The following SDHA variants were observed in gnomAD, a reference collection of about 807,000 sequenced individuals.
SDHA encodes succinate dehydrogenase complex flavoprotein subunit A.
Under a neutral mutation model 78.4 loss-of-function variants are expected in SDHA, and 48 were observed. The observed-to-expected ratio is 0.61, with a 90% CI of 0.49 to 0.78. The LOEUF (loss-of-function observed/expected upper bound fraction) is 0.78, where lower values mean the gene tolerates loss of function less well. Ranked by LOEUF, SDHA falls within the 30% of genes least tolerant of loss-of-function variation. The pLI is 0.00. For synonymous variants in SDHA, 326 were observed against 353.9 expected (o/e 0.92, Z 0.88); for missense variants, 680 against 892.7 (o/e 0.76, Z 3.04).
rs1304421499 is a variant in SDHA at position 249,030 on chromosome 5, A to G, written c.1552-1962A>G. ...AAAAGCATCTAGAAGGACACCGTAC[A>G]AACTTGTCTTTGGATATTGCAAAAT... On this transcript the variant is annotated intron_variant, in intron 11 of 14. Coordinates refer to ENST00000264932, the MANE Select transcript of SDHA (RefSeq NM_004168.4). The G allele has an allele frequency of 7.4e-6, 3 of 403,250 alleles. No homozygotes were observed. In the Admixed American group the frequency reaches 1.0e-4, roughly 14 times the overall value. The allele number at this position is 403,250 out of a possible 1,614,324, so 25.0% of individuals were successfully genotyped here.
At chr5:262,795 T>C in the SDHA span, among the ~76,000 whole-genome samples, 1 of 152,202 alleles carries the variant, frequency 6.6e-6, no homozygotes, top group Admixed American at 6.5e-5. Flanking sequence ...TAATATTAGG[T>C]TGGTGCAAAA....
the SDHA span, among the ~76,000 whole-genome samples, chr5:268,454 C>T: frequency 1.3e-5 from 2 of 152,106 alleles, no homozygotes; most frequent in African/African-American, 4.8e-5. Context: ...CTGTGAGCCA[C>T]CGCGCCTGGC....
intron 6 of SDHA, among the ~76,000 whole-genome samples, chr5:229,401 C>T (rs531523228): frequency 6.6e-6 from 1 of 152,318 alleles, no homozygotes; most frequent in African/African-American, 2.4e-5. Flanking sequence ...TGTGTATACA[C>T]AACTGAATAT....
At chr5:222,503 A>G (rs1320501205) in intron 1 of SDHA, among the ~76,000 whole-genome samples, 1 of 151,910 alleles carries the variant, frequency 6.6e-6, no homozygotes, top group African/African-American at 2.4e-5. Flanking sequence ...GCCCGCCACG[A>G]CGCCCAGCTA....
At position 251,539 on chromosome 5, in the gene SDHA, G is replaced by A. The variant is rs754149649; in HGVS notation, c.1794+71G>A. The A allele has an allele frequency of 1.9e-5, 31 of 1,609,942 alleles. No homozygotes were observed. The South Asian group carries it at 2.8e-4, about 14-fold the overall frequency. On this transcript the variant is annotated intron_variant, in intron 13 of 14. Coordinates refer to ENST00000264932, the MANE Select transcript of SDHA (RefSeq NM_004168.4). ...CCTGGTGGGACTCAGCCCCACCCCT[G>A]CATTTTCTCTGCATTTTCTTTCGTT...
At position 225,914 on chromosome 5, in the gene SDHA, C is replaced by T. The variant is rs375067326; in HGVS notation, c.488C>T (p.Thr163Ile). 1 of 1,613,270 alleles carries T rather than the reference C, an allele frequency of 6.2e-7. No homozygotes were observed. The highest frequency in any genetic ancestry group is 1.3e-5 in the African/African-American group (1 of 74,890). ...LENYGMPFSR[T>I]EDGKIYQRAF... is the part of the protein sequence containing the mutation. Reference sequence around the variant, plus strand: ...AATTATGGCATGCCGTTTAGCAGAACTGAAGATGGGAAGATTTATCAGCGT... The same window carrying T: ...AATTATGGCATGCCGTTTAGCAGAATTGAAGATGGGAAGATTTATCAGCGT... Residue 163 changes from threonine (T) to isoleucine (I), a missense_variant, in exon 5 of 15, where the codon ACT becomes ATT. Coordinates refer to ENST00000264932, the MANE Select transcript of SDHA (RefSeq NM_004168.4).
In SDHA at chr5:218,426, C is replaced by T. The variant is rs766358430; in HGVS notation, c.63+8C>T. On this transcript the variant is annotated splice_region_variant and intron_variant, in intron 1 of 14. Transcript: ENST00000264932. ...CTGGCGCTGGCCAAGGCGGTGAGTC[C>T]GTGCCGCGGACCGGGGCGGGGCAGG... 45 of 1,413,626 alleles carry T rather than the reference C, an allele frequency of 3.2e-5. No individual in the cohort carries two copies. Among genetic ancestry groups the T allele is most frequent in the Non-Finnish European group, 3.9e-5 (43 of 1,094,046 alleles). The allele number at this position is 1,413,626 out of a possible 1,614,324, so 87.6% of individuals were successfully genotyped here.
At chr5:236,969 C>T (rs112276268) in intron 10 of SDHA, among the ~76,000 whole-genome samples, 1 of 141,292 alleles carries the variant, frequency 7.1e-6, no homozygotes, top group Non-Finnish European at 1.5e-5. Context: ...GCCTTGATTT[C>T]TTACTGGAAA....
intron 6 of SDHA, among the ~76,000 whole-genome samples, chr5:229,262 G>T (rs1735234292): frequency 6.6e-6 from 1 of 152,222 alleles, no homozygotes. Context: ...ATTTCTGGGT[G>T]TATATCCAAA....
Position 240,338 on chromosome 5 carries a change from C to G in SDHA, c.1433-20C>G. The G allele has an allele frequency of 6.7e-7, 1 of 1,493,620 alleles. No individual in the cohort carries two copies. Among genetic ancestry groups the G allele is most frequent in the Non-Finnish European group, 9.3e-7 (1 of 1,072,174 alleles). The allele number at this position is 1,493,620 out of a possible 1,614,324, so 92.5% of individuals were successfully genotyped here. On this transcript the variant is annotated intron_variant, in intron 10 of 14. Transcript: ENST00000264932. ...TAAAACGGTTTTCAAAAGTTAAATTCTAGCTTTTTTTTGTTTTAGGAGATA... is the reference window on the plus strand; with the variant it reads ...TAAAACGGTTTTCAAAAGTTAAATTGTAGCTTTTTTTTGTTTTAGGAGATA...
chr5:218,442 GC>G (rs2126523060), intron 1 of SDHA, 24 bp downstream of exon 1: 1 of 1,370,294 alleles, frequency 7.3e-7, no homozygotes. Context: ...GCGGACCGGG[GC>G]GGGGCAGGCG....
intron 1 of SDHA, among the ~76,000 whole-genome samples, chr5:221,227 T>G (rs1734695881): frequency 6.6e-6 from 1 of 152,224 alleles, no homozygotes; most frequent in African/African-American, 2.4e-5. Flanking sequence ...ACCCAGTTCA[T>G]TTTCCATGAA....
At chr5:255,672 C>T (rs56923747) in intron 14 of SDHA, among the ~76,000 whole-genome samples, 37,659 of 151,918 alleles carry the variant, frequency 0.25, 7,064 homozygotes, top group African/African-American at 0.53. Context: ...TGAACTCCTG[C>T]GCTCAAGTGA....
At chr5:236,302 G>A in intron 9 of SDHA, 126 bp from the exon 10 acceptor site, 2 of 930,676 alleles carry the variant, frequency 2.1e-6, no homozygotes, top group Admixed American at 1.9e-5. Flanking sequence ...GAGATTACAG[G>A]CGTGAGCCAC....
intron 13 of SDHA, among the ~76,000 whole-genome samples, chr5:252,539 A>G (rs113933605): frequency 3.4e-4 from 37 of 108,766 alleles, no homozygotes; most frequent in African/African-American, 1.3e-3. Flanking sequence ...ACCGTTTCAA[A>G]CCTGCCCTGT....
At chr5:234,043 T>G (rs1190979137) in intron 8 of SDHA, 1 of 277,056 alleles carries the variant, frequency 3.6e-6, no homozygotes, top group East Asian at 9.0e-5. Context: ...TTTCATTGCC[T>G]GACCCTGTTC....
intron 6 of SDHA, among the ~76,000 whole-genome samples, chr5:229,217 A>G (rs545262862): frequency 1.1e-4 from 17 of 152,224 alleles, no homozygotes; most frequent in South Asian, 2.1e-4. Flanking sequence ...AGGTTCCTCA[A>G]AATTCATAGG....
chr5:228,043 C>G, intron 5 of SDHA, 142 bp from the exon 6 acceptor site: 1 of 819,426 alleles, frequency 1.2e-6, no homozygotes. Flanking sequence ...CTGACAGTGT[C>G]ACTGACACTG....
chr5:257,440 G>A (rs896449311), downstream of SDHA, among the ~76,000 whole-genome samples: 18 of 144,684 alleles, frequency 1.2e-4, 3 homozygotes, highest in Non-Finnish European at 2.1e-4. Context: ...GAGCATTACC[G>A]TGTGAGCTCC....
Sources: gnomAD v4.1 joint callset for allele counts (sites outside exome capture counted in the v4.1 genomes callset) on GRCh38, gnomAD v4.1.1 for gene constraint, MANE v1.5 for transcripts, NCBI Gene and HGNC (gene_info 2026-07-23, HGNC 2026-07-21) for gene names.